Variants in SUCO observed in about 807,000 individuals in gnomAD.
SUCO encodes the protein SUN domain containing ossification factor, also known as SUN domain-containing ossification factor.
Under a neutral mutation model 148.1 loss-of-function variants are expected in SUCO, and 57 were observed. The ratio of observed to expected loss-of-function variants is 0.38; its 90% CI spans 0.31 to 0.48. The LOEUF is 0.48. SUCO is among the 20% of genes least tolerant of loss of function. The probability of loss-of-function intolerance (pLI) is 0.96; values close to 1 mark genes in which losing one functional copy is unlikely to be tolerated. For synonymous variants in SUCO, 470 were observed against 502.7 expected, an observed-to-expected ratio of 0.93 and a Z score of 0.87; for missense variants, 1,331 against 1,468.2, an observed-to-expected ratio of 0.91 and a Z score of 1.53.
intron 1 of SUCO, among the ~76,000 whole-genome samples, chr1:172,537,232 G>C (rs1217135785): frequency 6.6e-6 from 1 of 152,022 alleles, no homozygotes; most frequent in Non-Finnish European, 1.5e-5. Flanking sequence ...TATAGTAATA[G>C]TATATTAGTG....
At chr1:172,558,455 A>T (rs1653904237) in intron 6 of SUCO, among the ~76,000 whole-genome samples, 1 of 152,166 alleles carries the variant, frequency 6.6e-6, no homozygotes, top group African/African-American at 2.4e-5. Context: ...TAAACTTAAC[A>T]AAAACAAAAA....
At position 172,541,958 on chromosome 1, in the gene SUCO, T is replaced by G. The variant is rs779478941; in HGVS notation, c.62+8461T>G. 1.3e-3 allele frequency: 690 copies of G among 519,542 alleles called. 1 individual carries two copies. The highest frequency in any genetic ancestry group is 1.7e-3 in the Non-Finnish European group (682 of 404,690). The allele number at this position is 519,542 out of a possible 1,614,324, so 32.2% of individuals were successfully genotyped here. A position where few individuals can be genotyped will look rare whatever the true frequency, so the allele number is the denominator to read the frequency against. ...GGGCAACTAGAAGAATTGGTGGTGG[T>G]CAAAAAGAAGTGGAAGAGTTGGCAA... On this transcript the variant is annotated intron_variant, in intron 1 of 23. Transcript: ENST00000263688.
chr1:172,588,894 G>A lies in SUCO; in HGVS notation c.1793G>A (p.Ser598Asn), dbSNP rs1656418400. ...CCATCTACAGTGACCCTTCTGGGCA[G>A]CGGTGAACAGGAAGATGAATCATCA... is the stretch of plus-strand genomic sequence containing the variant. ...ASPSTVTLLG[S>N]GEQEDESSPW... The change falls in exon 18 of 24, where the codon AGC becomes AAC. Residue 598 changes from serine to asparagine, a missense_variant. By Grantham distance (46) the Ser-to-Asn change is conservative (BLOSUM62 1). Coordinates refer to ENST00000263688, the MANE Select transcript of SUCO (RefSeq NM_014283.5). The A allele has an allele frequency of 6.2e-7, 1 of 1,613,422 alleles. No individual in the cohort carries two copies. Among genetic ancestry groups the A allele is most frequent in the South Asian group, 1.1e-5 (1 of 90,998 alleles).
chr1:172,575,564 G>A lies in SUCO; in HGVS notation c.1204G>A (p.Asp402Asn), dbSNP rs1173813812. 1.9e-6 allele frequency: 3 copies of A among 1,612,260 alleles called. No individual in the cohort carries two copies. The change falls in exon 11 of 24, where the codon GAT (aspartate) becomes AAT (asparagine). Residue 402 changes from aspartate (D) to asparagine (N), a missense_variant. Transcript: ENST00000263688. ...WIKLGTFHGR[D>N]ERNVQSFPLD... ...TAAGCTGGGTACTTTTCATGGTAGA[G>A]ATGAGCGGAATGTACAGAGTTTCCC...
chr1:172,542,601 C>T, intron 1 of SUCO: 1 of 277,734 alleles, frequency 3.6e-6, no homozygotes, highest in Non-Finnish European at 5.5e-6. Context: ...CTATGAACCA[C>T]ACACGCGAGG....
intron 3 of SUCO, among the ~76,000 whole-genome samples, chr1:172,553,804 C>T (rs1653500391): frequency 6.6e-6 from 1 of 151,990 alleles, no homozygotes; most frequent in African/African-American, 2.4e-5. Context: ...TATGTTTTTT[C>T]CCTTTTTCTC....
intron 11 of SUCO, chr1:172,576,920 A>G: frequency 2.7e-6 from 2 of 754,430 alleles, no homozygotes; most frequent in Non-Finnish European, 1.6e-6. Flanking sequence ...TAAAATAACT[A>G]CACCCAAATC....
At chr1:172,594,816 A>C (rs964903313) in intron 19 of SUCO, among the ~76,000 whole-genome samples, 1 of 152,210 alleles carries the variant, frequency 6.6e-6, no homozygotes, top group African/African-American at 2.4e-5. Context: ...AGCTGAGTTC[A>C]AGTCCTGGAT....
At position 172,589,080 on chromosome 1, in the gene SUCO, T is replaced by C. The variant is rs746908247; in HGVS notation, c.1979T>C (p.Val660Ala). Residue 660 changes from valine (V) to alanine (A), a missense_variant, in exon 18 of 24, where the codon GTG (valine) becomes GCG (alanine). This residue lies in a region of SUCO where 992 missense variants were observed against 1,093.5 expected (regional missense o/e 0.91). Coordinates refer to ENST00000263688, the MANE Select transcript of SUCO (RefSeq NM_014283.5). Reference sequence around the variant, plus strand: ...TTGAGTAAAGGAAAAGATTATCTTGTGTTAGCTCAACCACCCTTACTACTT... The same window carrying C: ...TTGAGTAAAGGAAAAGATTATCTTGCGTTAGCTCAACCACCCTTACTACTT... The part of the protein sequence containing the change: ...TALSKGKDYL[V>A]LAQPPLLLPA... The C allele has an allele frequency of 3.1e-6, 5 of 1,613,776 alleles. No homozygotes were observed. Among genetic ancestry groups the C allele is most frequent in the Non-Finnish European group, 4.2e-6 (5 of 1,179,828 alleles).
intron 2 of SUCO, 126 bp downstream of exon 2, chr1:172,551,752 T>A (rs1047734584): frequency 1.7e-6 from 1 of 603,398 alleles, no homozygotes. Flanking sequence ...CGTATTTTTC[T>A]TTGCTATTAC....
Position 172,602,170 on chromosome 1 carries a change from A to T in SUCO, c.3125A>T (p.Asp1042Val). 6.2e-7 allele frequency: 1 copy of T among 1,613,640 alleles called. No homozygotes were observed. ...CGAAATACTTCTCAATTTGATGGAG[A>T]TTATATTTCAAAACTTCCTAAAAGT... ...RCRNTSQFDGDYISKLPKSNQ... is the reference protein window; with the variant it reads ...RCRNTSQFDGVYISKLPKSNQ... Residue 1042 changes from aspartate (D) to valine (V), a missense_variant, in exon 21 of 24, where the codon GAT becomes GTT. This residue lies in a region of SUCO where 334 missense variants were observed against 352.3 expected (regional missense o/e 0.95). Transcript: ENST00000263688.
At chr1:172,578,642 A>G (rs746233245) in intron 14 of SUCO, 10 of 708,686 alleles carry the variant, frequency 1.4e-5, no homozygotes, top group Non-Finnish European at 1.7e-5. Context: ...TTAATGGTAT[A>G]AATTATGATT....
chr1:172,560,977 A>T (rs2149237389), intron 6 of SUCO, among the ~76,000 whole-genome samples: 1 of 152,320 alleles, frequency 6.6e-6, no homozygotes, highest in African/African-American at 2.4e-5. Flanking sequence ...GGGTAGTTGA[A>T]CAATCTTTGT....
intron 8 of SUCO, 32 bp downstream of exon 8, chr1:172,570,203 T>C: frequency 7.2e-7 from 1 of 1,398,480 alleles, no homozygotes. Flanking sequence ...TTTGTATATA[T>C]AGGAAATTAA....
chr1:172,587,448 A>AT (rs1238860790), intron 17 of SUCO, among the ~76,000 whole-genome samples: 1 of 151,994 alleles, frequency 6.6e-6, no homozygotes, highest in Non-Finnish European at 1.5e-5. Flanking sequence ...TGTATTCAGT[A>AT]TTTTTTACCA....
intron 17 of SUCO, among the ~76,000 whole-genome samples, chr1:172,586,503 T>C (rs1477739635): frequency 6.6e-6 from 1 of 152,190 alleles, no homozygotes. Flanking sequence ...TTACCTTTTT[T>C]GTCTTTTCTG....
At chr1:172,572,435 C>T (rs1655098718) in intron 9 of SUCO, among the ~76,000 whole-genome samples, 1 of 151,758 alleles carries the variant, frequency 6.6e-6, no homozygotes, top group African/African-American at 2.4e-5. Flanking sequence ...TGTGCTGTGT[C>T]CACTCAGGGT....
chr1:172,588,918 C>T lies in SUCO; in HGVS notation c.1817C>T (p.Ser606Leu). Reference sequence around the variant, plus strand: ...AGCGGTGAACAGGAAGATGAATCATCACCCTGGTTTGAGTCAGAGACACAA... The same window carrying T: ...AGCGGTGAACAGGAAGATGAATCATTACCCTGGTTTGAGTCAGAGACACAA... ...LGSGEQEDES[S>L]PWFESETQIF... The change falls in exon 18 of 24, where the codon TCA becomes TTA. Residue 606 changes from serine (S) to leucine (L), a missense_variant. Ser to Leu is a moderately radical substitution (Grantham distance 145). This residue lies in a region of SUCO where 992 missense variants were observed against 1,093.5 expected (regional missense o/e 0.91). Coordinates refer to ENST00000263688, the MANE Select transcript of SUCO (RefSeq NM_014283.5). The T allele has an allele frequency of 6.2e-7, 1 of 1,612,700 alleles. No individual in the cohort carries two copies.
intron 1 of SUCO, among the ~76,000 whole-genome samples, chr1:172,545,628 A>G (rs1309406970): frequency 6.6e-6 from 1 of 152,224 alleles, no homozygotes; most frequent in African/African-American, 2.4e-5. Context: ...CAGTGGTACA[A>G]TGAGGACAGA....
Sources: allele counts gnomAD v4.1 joint callset (sites outside exome capture counted in the v4.1 genomes callset), GRCh38; gene constraint gnomAD v4.1.1; regional missense constraint gnomAD v4.1.1; transcripts MANE v1.5; gene names NCBI Gene and HGNC (gene_info 2026-07-23, HGNC 2026-07-21).